NLGN4X: variants seen among roughly 807,000 people sequenced by gnomAD.
The protein encoded by NLGN4X is neuroligin-4, X-linked.
In NLGN4X, 3 loss-of-function variants were observed where a neutral mutation model predicts 40.3. That is an observed-to-expected ratio of 0.07 (90% CI 0.03 to 0.19). NLGN4X has a LOEUF of 0.19. Ranked by LOEUF, NLGN4X falls within the 10% of genes least tolerant of loss-of-function variation. The pLI is 1.00. For missense variants in NLGN4X, 382 were observed against 708.3 expected, an observed-to-expected ratio of 0.54 and a Z score of 5.23; for synonymous variants, 270 against 306.8, an observed-to-expected ratio of 0.88 and a Z score of 1.25.
At chrX:5,981,568 G>T (rs1428011428) in intron 3 of NLGN4X, among the ~76,000 whole-genome samples, 1 of 108,275 alleles carries the variant, frequency 9.2e-6, no homozygotes, top group East Asian at 2.8e-4. Flanking sequence ...ACATTCCAGA[G>T]TCAAATATTA....
intron 1 of NLGN4X, among the ~76,000 whole-genome samples, chrX:6,205,851 C>T (rs2054096893): frequency 8.9e-6 from 1 of 112,081 alleles, no homozygotes; most frequent in South Asian, 3.7e-4. Flanking sequence ...TTAAATTACA[C>T]CATTTCTACT....
intron 2 of NLGN4X, among the ~76,000 whole-genome samples, chrX:6,088,738 T>C (rs769288269): frequency 8.9e-6 from 1 of 112,066 alleles, no homozygotes; most frequent in East Asian, 2.8e-4. Context: ...AAAGTAACAA[T>C]AGATGTGTTG....
intron 2 of NLGN4X, among the ~76,000 whole-genome samples, chrX:6,112,148 A>T (rs1381364128): frequency 9.0e-6 from 1 of 111,710 alleles, no homozygotes; most frequent in Non-Finnish European, 1.9e-5. Flanking sequence ...TATTTCCTAC[A>T]ATCTGTTGCA....
In NLGN4X at chrX:6,003,965, C is replaced by A. The variant is rs776695275; in HGVS notation, c.625+25315G>T. Among the ~76,000 whole-genome samples, 3 of 112,435 alleles carry A rather than the reference C, an allele frequency of 2.7e-5. No homozygotes were observed. In the South Asian group the frequency reaches 1.1e-3, roughly 42 times the overall value. ...TACCTGCTCACCTGTGCTTCCCCTC[C>A]CACAAGGGGTAGAGCAGCGAGTGAG... On this transcript the variant is annotated intron_variant, in intron 3 of 5. Coordinates refer to ENST00000381095, the MANE Select transcript of NLGN4X (RefSeq NM_181332.3).
At chrX:6,031,577 C>T (rs2036858182) in intron 2 of NLGN4X, among the ~76,000 whole-genome samples, 1 of 111,545 alleles carries the variant, frequency 9.0e-6, no homozygotes. Flanking sequence ...CTGTCATGGA[C>T]GTTGGGCTTG....
At chrX:5,972,341 T>C (rs143338303) in intron 3 of NLGN4X, among the ~76,000 whole-genome samples, 7,560 of 111,169 alleles carry the variant, frequency 0.068, 630 homozygotes, top group African/African-American at 0.23. Flanking sequence ...CCATTTATTA[T>C]ACTGATTTAA....
intron 3 of NLGN4X, among the ~76,000 whole-genome samples, chrX:5,925,877 C>CACATATATATATATATATATATATACAT (rs2033266588): frequency 9.0e-5 from 1 of 11,119 alleles, no homozygotes; most frequent in Non-Finnish European, 1.3e-4. Flanking sequence ...TATATACATA[C>CACATATATATATATATATATATATACAT]ACACATATAT....
chrX:6,005,917 C>A (rs1443325932), intron 3 of NLGN4X, among the ~76,000 whole-genome samples: 2 of 111,452 alleles, frequency 1.8e-5, no homozygotes, highest in Non-Finnish European at 3.8e-5. Flanking sequence ...TAAGTATCAT[C>A]CAGGAGTCCT....
At chrX:6,183,885 C>A (rs2147810818) in intron 1 of NLGN4X, among the ~76,000 whole-genome samples, 1 of 112,149 alleles carries the variant, frequency 8.9e-6, no homozygotes, top group African/African-American at 3.2e-5. Context: ...TGAGTGTTAG[C>A]AAAATGTGTC....
intron 1 of NLGN4X, among the ~76,000 whole-genome samples, chrX:6,213,090 A>T (rs1320429531): frequency 1.0e-5 from 1 of 97,406 alleles, no homozygotes. Context: ...CAGGGAGGGG[A>T]GAGTACAACT....
chrX:6,168,734 A>C (rs192341625), intron 1 of NLGN4X, among the ~76,000 whole-genome samples: 185 of 111,172 alleles, frequency 1.7e-3, no homozygotes, highest in African/African-American at 5.9e-3. Flanking sequence ...AGCCTCCCAA[A>C]GTGCTGGGAT....
chrX:6,095,516 G>A (rs1353756012), intron 2 of NLGN4X, among the ~76,000 whole-genome samples: 1 of 112,270 alleles, frequency 8.9e-6, no homozygotes, highest in African/African-American at 3.2e-5. Context: ...AAAAGATACA[G>A]TTTTACCTTT....
At chrX:6,035,609 T>G (rs1054962507) in intron 2 of NLGN4X, among the ~76,000 whole-genome samples, 2 of 111,817 alleles carry the variant, frequency 1.8e-5, no homozygotes, top group Non-Finnish European at 3.8e-5. Flanking sequence ...AAAAATCTAT[T>G]GACTACAAAT....
intron 3 of NLGN4X, among the ~76,000 whole-genome samples, chrX:5,913,523 G>A (rs888399704): frequency 1.3e-4 from 14 of 111,914 alleles, no homozygotes; most frequent in Non-Finnish European, 2.3e-4. Context: ...CATTTTAGCC[G>A]ATGAAATTTT....
At chrX:5,913,678 G>A (rs1165422798) in intron 3 of NLGN4X, among the ~76,000 whole-genome samples, 1 of 112,031 alleles carries the variant, frequency 8.9e-6, no homozygotes, top group African/African-American at 3.2e-5. Context: ...TTCATCCAGG[G>A]TCCTGGAAGG....
intron 2 of NLGN4X, among the ~76,000 whole-genome samples, chrX:6,040,957 C>A (rs1287418663): frequency 4.5e-5 from 5 of 111,377 alleles, no homozygotes; most frequent in Admixed American, 9.6e-5. Flanking sequence ...AATATGGTAC[C>A]ATTTAGTGGT....
intron 3 of NLGN4X, among the ~76,000 whole-genome samples, chrX:5,935,660 CTT>C (rs1381521797): frequency 9.0e-6 from 1 of 111,637 alleles, no homozygotes; most frequent in African/African-American, 3.3e-5. Context: ...TAGCTGAACT[CTT>C]TACATAAGGC....
chrX:5,977,721 C>A (rs913388614), intron 3 of NLGN4X, among the ~76,000 whole-genome samples: 2 of 111,227 alleles, frequency 1.8e-5, no homozygotes, highest in Non-Finnish European at 3.8e-5. Flanking sequence ...AGTGCTGAGG[C>A]TACCAAACCT....
chrX:6,082,292 A>C (rs139773114), intron 2 of NLGN4X, among the ~76,000 whole-genome samples: 303 of 111,354 alleles, frequency 2.7e-3, no homozygotes, highest in African/African-American at 9.5e-3. Context: ...TCCCAGCACT[A>C]TAGAAGGCTG....
Sources: allele counts gnomAD v4.1 joint callset (sites outside exome capture counted in the v4.1 genomes callset), GRCh38; gene constraint gnomAD v4.1.1; transcripts MANE v1.5; gene names NCBI Gene and HGNC (gene_info 2026-07-23, HGNC 2026-07-21).